The following STK33 variants were observed in gnomAD, a reference collection of about 807,000 sequenced individuals.
STK33 encodes the protein serine/threonine-protein kinase 33.
Under a neutral mutation model 58.0 loss-of-function variants are expected in STK33, and 52 were observed. That is an observed-to-expected ratio of 0.90 (90% confidence interval 0.72 to 1.13). The LOEUF (loss-of-function observed/expected upper bound fraction) is 1.13. STK33 is among the 50% of genes most tolerant of loss of function. STK33 has a pLI of 0.00. For missense variants in STK33, 630 were observed against 604.2 expected (o/e 1.04, Z -0.45); for synonymous variants, 215 against 200.1 (o/e 1.07, Z -0.63).
At chr11:8,561,505 AT>A (rs1302742836) in intron 1 of STK33, among the ~76,000 whole-genome samples, 2 of 151,988 alleles carry the variant, frequency 1.3e-5, no homozygotes, top group African/African-American at 2.4e-5. Context: ...TTACATACTT[AT>A]TTGATATTGA....
intron 1 of STK33, among the ~76,000 whole-genome samples, chr11:8,547,407 T>C (rs1410547756): frequency 6.6e-6 from 1 of 152,104 alleles, no homozygotes; most frequent in Non-Finnish European, 1.5e-5. Context: ...AGAGATGAGG[T>C]TTCACCATGT....
At chr11:8,413,320 T>G (rs927121610) in intron 15 of STK33, among the ~76,000 whole-genome samples, 175 bp downstream of exon 15, 5 of 152,236 alleles carry the variant, frequency 3.3e-5, no homozygotes, top group Non-Finnish European at 7.3e-5. Context: ...AATAAACATG[T>G]AGGCCACCTC....
chr11:8,549,165 A>G (rs1043812097), intron 1 of STK33, among the ~76,000 whole-genome samples: 41 of 152,300 alleles, frequency 2.7e-4, no homozygotes, highest in African/African-American at 9.9e-4. Context: ...CAGTTTGTTC[A>G]GAGTTTTTAT....
the STK33 span, among the ~76,000 whole-genome samples, chr11:8,384,385 C>A: frequency 6.6e-6 from 1 of 151,952 alleles, no homozygotes; most frequent in East Asian, 1.9e-4. Flanking sequence ...ACTTAGCAGA[C>A]CGTGAAAGGG....
chr11:8,499,835 C>A (rs1951372176), intron 1 of STK33, among the ~76,000 whole-genome samples: 1 of 152,112 alleles, frequency 6.6e-6, no homozygotes, highest in South Asian at 2.1e-4. Context: ...AAACCAAACA[C>A]CACATGTTCT....
At chr11:8,487,926 G>T (rs937284298) in intron 1 of STK33, among the ~76,000 whole-genome samples, 4 of 152,156 alleles carry the variant, frequency 2.6e-5, no homozygotes, top group African/African-American at 9.7e-5. Context: ...AGAACAACAA[G>T]CTTCGTGGCA....
intron 1 of STK33, among the ~76,000 whole-genome samples, chr11:8,496,272 C>A (rs1373137774): frequency 6.6e-6 from 1 of 152,204 alleles, no homozygotes; most frequent in Non-Finnish European, 1.5e-5. Flanking sequence ...TTAACTTTGC[C>A]ATACACTTTG....
At chr11:8,482,176 C>G (rs1206804582) in intron 1 of STK33, among the ~76,000 whole-genome samples, 3 of 152,096 alleles carry the variant, frequency 2.0e-5, no homozygotes, top group Non-Finnish European at 4.4e-5. Context: ...GTAGCCAGAA[C>G]AAAAGCATTT....
chr11:8,380,428 T>C, the STK33 span, among the ~76,000 whole-genome samples: 7 of 151,916 alleles, frequency 4.6e-5, no homozygotes, highest in Non-Finnish European at 1.0e-4. Flanking sequence ...GGCATGGTCA[T>C]GGGCACCTGT....
At chr11:8,378,288 G>C in the STK33 span, among the ~76,000 whole-genome samples, 1 of 152,254 alleles carries the variant, frequency 6.6e-6, no homozygotes, top group African/African-American at 2.4e-5. Context: ...GGAGGCCGAG[G>C]TGGGTGGATC....
the STK33 span, among the ~76,000 whole-genome samples, chr11:8,372,830 C>T: frequency 6.6e-6 from 1 of 152,330 alleles, no homozygotes; most frequent in East Asian, 1.9e-4. Flanking sequence ...GAGGGCGTGG[C>T]GGCCTCTTCC....
At position 8,436,063 on chromosome 11, in the gene STK33, A is replaced by G. The variant is rs1413155189; in HGVS notation, c.1024T>C (p.Phe342Leu). The change falls in exon 13 of 16, where the codon TTT becomes CTT. Residue 342 changes from phenylalanine (F) to leucine (L), a missense_variant. Coordinates refer to ENST00000687296, the MANE Select transcript of STK33 (RefSeq NM_001352389.2). ...ATGGAATTCCAGACTGCATTTTCAA[A>G]ATGTAGTTCTCCTTTTCTTATTAAC... is the stretch of plus-strand genomic sequence containing the variant. Reference protein sequence around the residue: ...FELIRKGELHFENAVWNSISD... With the variant: ...FELIRKGELHLENAVWNSISD... The G allele has an allele frequency of 1.3e-6, 2 of 1,590,058 alleles. No individual in the cohort carries two copies. The highest frequency in any genetic ancestry group is 1.7e-5 in the Admixed American group (1 of 58,270).
intron 6 of STK33, chr11:8,467,612 G>C (rs1393892746): frequency 6.6e-6 from 1 of 152,298 alleles, no homozygotes; most frequent in African/African-American, 2.4e-5. Context: ...CTTGTTCTGA[G>C]CCCTCCAAAC....
chr11:8,508,313 G>A (rs939775376), intron 1 of STK33, among the ~76,000 whole-genome samples: 9 of 124,078 alleles, frequency 7.3e-5, no homozygotes, highest in Admixed American at 2.0e-4. Flanking sequence ...CTTTCACCCA[G>A]GCTGGAGTGT....
intron 10 of STK33, among the ~76,000 whole-genome samples, chr11:8,453,208 A>G (rs1239072200): frequency 6.6e-6 from 1 of 152,160 alleles, no homozygotes; most frequent in Admixed American, 6.5e-5. Context: ...TGAGGCATTT[A>G]ATCTTTTTCA....
intron 1 of STK33, among the ~76,000 whole-genome samples, chr11:8,592,213 A>G (rs1269534296): frequency 6.6e-6 from 1 of 152,080 alleles, no homozygotes; most frequent in African/African-American, 2.4e-5. Flanking sequence ...CCCAGGCTCC[A>G]GGGATAACTT....
At chr11:8,466,648 C>G (rs1948218712) in intron 6 of STK33, 1 of 152,218 alleles carries the variant, frequency 6.6e-6, no homozygotes, top group East Asian at 1.9e-4. Flanking sequence ...GTCGGTGGAT[C>G]TACTATTCTA....
chr11:8,337,102 C>G, the STK33 span, among the ~76,000 whole-genome samples: 8 of 152,338 alleles, frequency 5.3e-5, no homozygotes, highest in East Asian at 1.9e-4. Context: ...AGCGGCCTTC[C>G]CAAACGGGCT....
intron 15 of STK33, among the ~76,000 whole-genome samples, chr11:8,410,946 T>G (rs1940138287): frequency 6.6e-6 from 1 of 152,250 alleles, no homozygotes; most frequent in African/African-American, 2.4e-5. Context: ...TATACTTTAA[T>G]TATGGACATT....
Sources: gnomAD v4.1 joint callset for allele counts (sites outside exome capture counted in the v4.1 genomes callset) on GRCh38, gnomAD v4.1.1 for gene constraint, MANE v1.5 for transcripts, NCBI Gene and HGNC (gene_info 2026-07-23, HGNC 2026-07-21) for gene names.